The following ARMCX4 variants were observed in gnomAD, a reference collection of about 807,000 sequenced individuals.
ARMCX4 encodes the protein armadillo repeat-containing X-linked protein 4.
In ARMCX4, 3 loss-of-function variants were observed where a neutral mutation model predicts 34.7. That is an observed-to-expected ratio of 0.09 (90% confidence interval 0.04 to 0.22). The LOEUF is 0.22. ARMCX4 is among the 10% of genes least tolerant of loss of function. The probability of loss-of-function intolerance (pLI) is 1.00; values close to 1 mark genes in which losing one functional copy is unlikely to be tolerated. For missense variants in ARMCX4, 1,448 were observed against 1,720.8 expected (o/e 0.84, Z 2.81); for synonymous variants, 513 against 632.8 (o/e 0.81, Z 2.84).
Position 101,494,074 on chromosome X carries a change from G to GGCTGGGA in ARMCX4, c.5485_5486insGCTGGGA (p.Ala1829GlyfsTer4), listed in dbSNP as rs1934104452. ...GGCTGAGGCTGGGGCTGGGGCTGGG[G>GGCTGGGA]CTGAGGCTGGGGCTGAGGCTGGGGC... On this transcript the variant is annotated frameshift_variant, in exon 6 of 6. Coordinates refer to ENST00000423738, the MANE Select transcript of ARMCX4 (RefSeq NM_001256155.3). LOFTEE classifies it high-confidence loss of function. The GGCTGGGA allele has an allele frequency of 1.0e-6, 1 of 978,353 alleles. No individual in the cohort carries two copies. Among genetic ancestry groups the GGCTGGGA allele is most frequent in the Non-Finnish European group, 1.3e-6 (1 of 742,145 alleles). 80.6% of individuals were successfully genotyped at this position (978,353 alleles called of 1,213,427 possible). A position where few individuals can be genotyped will look rare whatever the true frequency, so the allele number is the denominator to read the frequency against.
chrX:101,454,209 AG>A (rs782126217), intron 4 of ARMCX4, among the ~76,000 whole-genome samples: 65 of 108,969 alleles, frequency 6.0e-4, no homozygotes, highest in African/African-American at 2.1e-3. Context: ...AAAAAATAAA[AG>A]CTCTGATCTG....
chrX:101,509,160 C>A (rs782584479), intron 8 of ARMCX4, among the ~76,000 whole-genome samples: 2 of 111,942 alleles, frequency 1.8e-5, no homozygotes, highest in Middle Eastern at 4.6e-3. Context: ...ATTTCATTTT[C>A]TGGACAAAGT....
Position 101,494,615 on chromosome X carries a change from T to G in ARMCX4, c.6026T>G (p.Phe2009Cys). Residue 2009 changes from phenylalanine (F) to cysteine (C), a missense_variant, in exon 6 of 6, where the codon TTC becomes TGC. Physicochemically the swap from Phe to Cys is radical, Grantham distance 205. This residue lies in a region of ARMCX4 where 1,343 missense variants were observed against 1,540.7 expected (regional missense o/e 0.87). Coordinates refer to ENST00000423738, the MANE Select transcript of ARMCX4 (RefSeq NM_001256155.3). ...TKFAHQSEAS[F>C]PVEDESRKQT... ...TTTGCACACCAAAGTGAGGCCAGCT[T>G]CCCAGTTGAAGATGAGTCCAGAAAA... The G allele has an allele frequency of 8.7e-7, 1 of 1,155,743 alleles. No individual in the cohort carries two copies. Among genetic ancestry groups the G allele is most frequent in the Non-Finnish European group, 1.1e-6 (1 of 872,859 alleles).
At chrX:101,485,400 C>G, upstream of ARMCX4, 1 of 313,464 alleles carries the variant, frequency 3.2e-6, no homozygotes, top group South Asian at 1.6e-4. Flanking sequence ...GGCGGTGACG[C>G]GCGGTCCTCA....
intron 2 of ARMCX4, among the ~76,000 whole-genome samples, chrX:101,443,308 T>A: frequency 9.1e-6 from 1 of 110,421 alleles, no homozygotes; most frequent in East Asian, 2.9e-4. Context: ...GTCCCTTCCA[T>A]CATGTGAAGA....
rs1556008206 is a variant in ARMCX4, at chrX:101,490,038, T to C, written c.1449T>C (p.Asp483=). The C allele has an allele frequency of 1.7e-6, 2 of 1,155,772 alleles. No homozygotes were observed. Among genetic ancestry groups the C allele is most frequent in the Admixed American group, 2.6e-5 (1 of 38,788 alleles). The change falls in exon 6 of 6, where the codon GAT becomes GAC. Residue 483 remains aspartate, a synonymous_variant. Coordinates refer to ENST00000423738, the MANE Select transcript of ARMCX4 (RefSeq NM_001256155.3). ...AGCTTGTGGCCAGTGTTCAGGCTGATACCTTGTCTGATGGCAAAATTAAGG... is the reference window on the plus strand; with the variant it reads ...AGCTTGTGGCCAGTGTTCAGGCTGACACCTTGTCTGATGGCAAAATTAAGG... ...QPQLVASVQA[D]TLSDGKIKVR...
At chrX:101,526,246 G>A (rs868953483) in intron 11 of ARMCX4, among the ~76,000 whole-genome samples, 13 of 111,766 alleles carry the variant, frequency 1.2e-4, no homozygotes, top group African/African-American at 4.2e-4. Flanking sequence ...CTTCGTAAGT[G>A]AAGGAGAAAT....
chrX:101,533,298 C>T (rs1556022645), exon 13 of ARMCX4: 1 of 111,000 alleles, frequency 9.0e-6, no homozygotes, highest in East Asian at 2.8e-4. Flanking sequence ...CTAGCTCTCA[C>T]TAGGCTCCAG....
chrX:101,490,328 C>A lies in ARMCX4; in HGVS notation c.1739C>A (p.Thr580Asn). The change falls in exon 6 of 6, where the codon ACT (threonine) becomes AAT (asparagine). Residue 580 changes from threonine to asparagine, a missense_variant. Transcript: ENST00000423738. ...CCTAATGCCACTTCTAAAGCCGGGA[C>A]TAAGGCAGACCAGAGGGTCTGTGGT... ...GNPNATSKAG[T>N]KADQRVCGQP... is the part of the protein sequence containing the mutation. 1 of 1,155,263 alleles carries A rather than the reference C, an allele frequency of 8.7e-7. No homozygotes were observed.
At chrX:101,478,042 T>G (rs1482870927) in intron 4 of ARMCX4, among the ~76,000 whole-genome samples, 2 of 111,923 alleles carry the variant, frequency 1.8e-5, no homozygotes, top group Admixed American at 9.5e-5. Flanking sequence ...TGATGAAACG[T>G]GAAAAGCATT....
chrX:101,525,384 A>G (rs1339458995), intron 11 of ARMCX4, among the ~76,000 whole-genome samples: 1 of 112,046 alleles, frequency 8.9e-6, no homozygotes, highest in Non-Finnish European at 1.9e-5. Flanking sequence ...GAAAAGCTGA[A>G]AATTCTAAAA....
At chrX:101,450,852 A>C (rs1232999533), downstream of ARMCX4, among the ~76,000 whole-genome samples, 1 of 111,250 alleles carries the variant, frequency 9.0e-6, no homozygotes, top group Non-Finnish European at 1.9e-5. Context: ...TGTGTATAGA[A>C]ATGTCATTTG....
rs185766296 is a variant in ARMCX4 at position 101,438,685 on chromosome X, T to C, written n.165-5367T>C. Among the ~76,000 whole-genome samples the C allele has an allele frequency of 7.7e-3, 865 of 111,894 alleles. 9 individuals are homozygous for C. The highest frequency in any genetic ancestry group is 0.027 in the African/African-American group (822 of 30,810). On this transcript the variant is annotated intron_variant and non_coding_transcript_variant, in intron 2 of 3. Transcript: ENST00000430461. The stretch of plus-strand genomic sequence containing the variant: ...TGGGTGCATATATATTTACGATAGT[T>C]AGCTCTTCTTGTTGAATTGATACCT...
chrX:101,428,083 C>A (rs1039497502), intron 2 of ARMCX4, among the ~76,000 whole-genome samples: 1 of 111,949 alleles, frequency 8.9e-6, no homozygotes, highest in Admixed American at 9.5e-5. Context: ...ACGTGTACAC[C>A]GGTGTTCTTA....
intron 2 of ARMCX4, among the ~76,000 whole-genome samples, chrX:101,438,029 A>G (rs1240797533): frequency 9.0e-6 from 1 of 110,967 alleles, no homozygotes; most frequent in African/African-American, 3.3e-5. Flanking sequence ...ATTATAACAA[A>G]CTTGTTATAA....
chrX:101,465,473 A>G (rs1556001818), intron 4 of ARMCX4, among the ~76,000 whole-genome samples: 1 of 112,368 alleles, frequency 8.9e-6, no homozygotes, highest in African/African-American at 3.2e-5. Context: ...GAGTCAATTC[A>G]GCAGGAAGAT....
Position 101,487,510 on chromosome X carries a change from C to G in ARMCX4, c.-286-98C>G. On this transcript the variant is annotated intron_variant, in intron 3 of 5. Coordinates refer to ENST00000423738, the MANE Select transcript of ARMCX4 (RefSeq NM_001256155.3). ...TACACATTAGTATATAGAACCTGGGCTCTGGCGAGGCAGACATTGGGGTCA... is the reference window on the plus strand; with the variant it reads ...TACACATTAGTATATAGAACCTGGGGTCTGGCGAGGCAGACATTGGGGTCA... 1.8e-5 allele frequency: 6 copies of G among 336,528 alleles called. No individual in the cohort carries two copies. In the South Asian group the frequency reaches 1.9e-4, roughly 11 times the overall value. 27.7% of individuals were successfully genotyped at this position (336,528 alleles called of 1,213,427 possible).
At chrX:101,483,685 T>C (rs1412669904), upstream of ARMCX4, among the ~76,000 whole-genome samples, 1 of 111,729 alleles carries the variant, frequency 9.0e-6, no homozygotes, top group Non-Finnish European at 1.9e-5. Context: ...AGTCAATGTT[T>C]ATGGTTTTTT....
At chrX:101,531,534 A>G (rs1465715911) in intron 11 of ARMCX4, 1 of 112,553 alleles carries the variant, frequency 8.9e-6, no homozygotes, top group Non-Finnish European at 1.9e-5. Flanking sequence ...ACTTAGAACT[A>G]TAGATGTAAA....
Sources: gnomAD v4.1 joint callset for allele counts (sites outside exome capture counted in the v4.1 genomes callset) on GRCh38, gnomAD v4.1.1 for gene constraint, gnomAD v4.1.1 regional missense constraint, MANE v1.5 for transcripts, NCBI Gene and HGNC (gene_info 2026-07-23, HGNC 2026-07-21) for gene names.